The following MED26 variants were observed in gnomAD, a reference collection of about 807,000 sequenced individuals.
MED26 encodes mediator complex subunit 26.
In MED26, 7 loss-of-function variants were observed where a neutral mutation model predicts 43.7. That is an observed-to-expected ratio of 0.16 (90% CI 0.09 to 0.30). The LOEUF is 0.30. Among genes scored for constraint, MED26 ranks in the 10% least tolerant of loss-of-function variants. The pLI, the probability that MED26 is intolerant of heterozygous loss-of-function variation, is 1.00. For missense variants in MED26, 784 were observed against 840.6 expected, an observed-to-expected ratio of 0.93 and a Z score of 0.83; for synonymous variants, 375 against 371.1, an observed-to-expected ratio of 1.01 and a Z score of -0.12.
chr19:16,623,526 G>A (rs1037738779), intron 1 of MED26, among the ~76,000 whole-genome samples: 5 of 152,166 alleles, frequency 3.3e-5, no homozygotes, highest in African/African-American at 1.2e-4. Context: ...GTTCCACATC[G>A]GTTGCTAGTT....
rs185265281 is a variant in MED26 at position 16,600,053 on chromosome 19, G to C, written c.73-21644C>G. Among the ~76,000 whole-genome samples, 165 of 152,294 alleles carry C rather than the reference G, an allele frequency of 1.1e-3. 2 individuals are homozygous for C. Among genetic ancestry groups the C allele is most frequent in the African/African-American group, 3.8e-3 (160 of 41,580 alleles). On this transcript the variant is annotated intron_variant, in intron 1 of 2. Transcript: ENST00000263390. ...ACACTCTCCAAGCACCCACCTGTGA[G>C]AGGGGGGACAGGCAGTCAACAGGCA... is the stretch of plus-strand genomic sequence containing the variant.
intron 1 of MED26, among the ~76,000 whole-genome samples, chr19:16,591,918 T>A (rs2122404255): frequency 6.6e-6 from 1 of 152,312 alleles, no homozygotes; most frequent in Non-Finnish European, 1.5e-5. Flanking sequence ...CCTATTCAAG[T>A]GTGGCCTAGG....
chr19:16,621,407 G>C (rs1382566951), intron 1 of MED26, among the ~76,000 whole-genome samples: 1 of 152,206 alleles, frequency 6.6e-6, no homozygotes, highest in Non-Finnish European at 1.5e-5. Context: ...ACTGCTGCTG[G>C]CACACAGGAG....
intron 1 of MED26, among the ~76,000 whole-genome samples, chr19:16,593,189 T>C (rs1310384951): frequency 2.6e-5 from 4 of 152,294 alleles, no homozygotes; most frequent in South Asian, 4.1e-4. Context: ...CTATCCGAAG[T>C]CACTGCATAT....
Position 16,577,067 on chromosome 19 carries a change from T to C in MED26, c.763A>G (p.Arg255Gly). The stretch of plus-strand genomic sequence containing the variant: ...GGAGGCCCCGGAGTCTCGTCCACCC[T>C]GTCCAGCTGCTGCAGCACCGAAGCC... The part of the protein sequence containing the change: ...PKASVLQQLD[R>G]VDETPGPPHP... Residue 255 changes from arginine to glycine, a missense_variant, in exon 3 of 3, where the codon AGG becomes GGG. Arg to Gly is a moderately radical substitution (Grantham distance 125). This residue lies in a region of MED26 where 719 missense variants were observed against 730.9 expected (regional missense o/e 0.98). Coordinates refer to ENST00000263390, the MANE Select transcript of MED26 (RefSeq NM_004831.5). The surrounding 1 kb of genome is among the most constrained non-coding windows in gnomAD (Gnocchi z 8.1). 6.2e-7 allele frequency: 1 copy of C among 1,608,840 alleles called. No homozygotes were observed.
chr19:16,575,071 A>C lies in MED26; in HGVS notation c.*956T>G, dbSNP rs1445677217. 6.6e-6 allele frequency: 1 copy of C among 152,612 alleles called. No homozygotes were observed. Among genetic ancestry groups the C allele is most frequent in the African/African-American group, 2.4e-5 (1 of 41,428 alleles). 9.5% of individuals were successfully genotyped at this position (152,612 alleles called of 1,614,324 possible). A position where few individuals can be genotyped will look rare whatever the true frequency, so the allele number is the denominator to read the frequency against. On this transcript the variant is annotated 3_prime_UTR_variant, in exon 3 of 3. Coordinates refer to ENST00000263390, the MANE Select transcript of MED26 (RefSeq NM_004831.5). ...CTCCTTGTTTTTGCAAATCGCGTTT[A>C]TGACAAATAACCATAAGGCAAACGA... is the stretch of plus-strand genomic sequence containing the variant.
At chr19:16,595,922 T>C (rs868663439) in intron 1 of MED26, among the ~76,000 whole-genome samples, 1 of 152,224 alleles carries the variant, frequency 6.6e-6, no homozygotes, top group Non-Finnish European at 1.5e-5. Context: ...CCTTCTCTCA[T>C]TTTTTCCTTA....
Position 16,575,019 on chromosome 19 carries a change from A to G in MED26, c.*1008T>C, listed in dbSNP as rs946906065. The G allele has an allele frequency of 6.6e-6, 1 of 152,500 alleles. No individual in the cohort carries two copies. The highest frequency in any genetic ancestry group is 1.5e-5 in the Non-Finnish European group (1 of 68,024). 9.4% of individuals were successfully genotyped at this position (152,500 alleles called of 1,614,324 possible). A position where few individuals can be genotyped will look rare whatever the true frequency, so the allele number is the denominator to read the frequency against. On this transcript the variant is annotated 3_prime_UTR_variant, in exon 3 of 3. Coordinates refer to ENST00000263390, the MANE Select transcript of MED26 (RefSeq NM_004831.5). Reference sequence around the variant, plus strand: ...CCCTTCTGCGTCCTGAGAACACAGAAGTCTAGGTACTGTACATTCACTAAG... The same window carrying G: ...CCCTTCTGCGTCCTGAGAACACAGAGGTCTAGGTACTGTACATTCACTAAG...
intron 1 of MED26, among the ~76,000 whole-genome samples, chr19:16,596,322 T>G (rs2086119814): frequency 6.6e-6 from 1 of 152,234 alleles, no homozygotes; most frequent in African/African-American, 2.4e-5. Context: ...CCTGCCCTCC[T>G]TATGTTTCCC....
Position 16,587,192 on chromosome 19 carries a change from T to TACA in MED26, c.73-8784_73-8783insTGT. On this transcript the variant is annotated intron_variant, in intron 1 of 2. Coordinates refer to ENST00000263390, the MANE Select transcript of MED26 (RefSeq NM_004831.5). This position sits in a 1 kb window ranked among gnomAD's most constrained non-coding sequence, Gnocchi z 4.9. ...AACAGGGCTTTGCTGGGAGAGTGTG[T>TACA]GTCTGTGATTTGGTTCCCGCCACAC... 1 of 150,900 alleles carries TACA rather than the reference T, an allele frequency of 6.6e-6. No individual in the cohort carries two copies. The highest frequency in any genetic ancestry group is 2.0e-4 in the East Asian group (1 of 5,106). 9.3% of individuals were successfully genotyped at this position (150,900 alleles called of 1,614,324 possible). A position where few individuals can be genotyped will look rare whatever the true frequency, so the allele number is the denominator to read the frequency against.
At position 16,618,280 on chromosome 19, in the gene MED26, G is replaced by A. The variant is rs946745808; in HGVS notation, c.72+9592C>T. On this transcript the variant is annotated intron_variant, in intron 1 of 2. Coordinates refer to ENST00000263390, the MANE Select transcript of MED26 (RefSeq NM_004831.5). ...GGCCTGGTGGGGTTCAGGCCACCTG[G>A]ACCGCACCACCTCCCCCAGCAATGA... is the stretch of plus-strand genomic sequence containing the variant. Among the ~76,000 whole-genome samples, 45 of 152,096 alleles carry A rather than the reference G, an allele frequency of 3.0e-4. 1 individual carries two copies. Among genetic ancestry groups the A allele is most frequent in the Non-Finnish European group, 8.8e-5 (6 of 68,020 alleles).
intron 1 of MED26, among the ~76,000 whole-genome samples, chr19:16,585,799 G>A (rs1013747314): frequency 6.6e-6 from 1 of 152,186 alleles, no homozygotes; most frequent in Non-Finnish European, 1.5e-5. Context: ...TATTTTAATT[G>A]GGCCACGGCA....
intron 1 of MED26, among the ~76,000 whole-genome samples, chr19:16,592,796 A>G (rs2086104025): frequency 6.6e-6 from 1 of 152,204 alleles, no homozygotes; most frequent in Non-Finnish European, 1.5e-5. Context: ...AGTTATTGCA[A>G]CTGGGGACAT....
intron 1 of MED26, among the ~76,000 whole-genome samples, chr19:16,592,570 C>T (rs1306323757): frequency 1.3e-5 from 2 of 152,346 alleles, no homozygotes; most frequent in South Asian, 4.1e-4. Flanking sequence ...AAACAAAGTT[C>T]AGCAGCAGCA....
chr19:16,581,345 G>C (rs1310634139), intron 1 of MED26, among the ~76,000 whole-genome samples: 1 of 152,210 alleles, frequency 6.6e-6, no homozygotes, highest in Admixed American at 6.5e-5. Context: ...CAGTGCAGGG[G>C]AAGACTGTGC....
intron 1 of MED26, among the ~76,000 whole-genome samples, chr19:16,609,311 C>CA (rs777358965): frequency 0.36 from 9,033 of 24,966 alleles, 2,440 homozygotes; most frequent in Non-Finnish European, 0.46. Flanking sequence ...GACTCCGTCT[C>CA]AAAAAAAAAA....
chr19:16,625,489 C>T (rs1346044357), intron 1 of MED26, among the ~76,000 whole-genome samples: 1 of 151,800 alleles, frequency 6.6e-6, no homozygotes, highest in Non-Finnish European at 1.5e-5. Context: ...AATTCTCTGC[C>T]GCTTCTCTCA....
chr19:16,619,162 ACCAATGACCAC>A (rs1351764088), intron 1 of MED26, among the ~76,000 whole-genome samples: 2 of 152,236 alleles, frequency 1.3e-5, no homozygotes, highest in Non-Finnish European at 2.9e-5. Flanking sequence ...AACAATGTGA[ACCAATGACCAC>A]CCAAAAGGAT....
intron 1 of MED26, chr19:16,624,591 C>T (rs148487946): frequency 2.0e-5 from 3 of 152,370 alleles, no homozygotes; most frequent in Non-Finnish European, 4.4e-5. Context: ...GTCTACTATT[C>T]GTCGGACCTT....
Sources: gnomAD v4.1 joint callset for allele counts (sites outside exome capture counted in the v4.1 genomes callset) on GRCh38, gnomAD v4.1.1 for gene constraint, gnomAD v4.1.1 regional missense constraint, Gnocchi (gnomAD v3.1) non-coding constraint, MANE v1.5 for transcripts, NCBI Gene and HGNC (gene_info 2026-07-23, HGNC 2026-07-21) for gene names.